The following CSMD1 variants were observed in gnomAD, a reference collection of about 807,000 sequenced individuals.
CSMD1 encodes CUB and Sushi multiple domains 1, also known as CUB and sushi domain-containing protein 1.
CSMD1 carries 213 observed loss-of-function variants against 417.5 expected under a neutral mutation model. That is an observed-to-expected ratio of 0.51 (90% confidence interval 0.46 to 0.57). CSMD1 has a LOEUF of 0.57. CSMD1 is among the 20% of genes least tolerant of loss of function. CSMD1 has a pLI of 0.00. For synonymous variants in CSMD1, 2,862 were observed against 1,736.8 expected (o/e 1.65, Z -16.11); for missense variants, 6,923 against 4,529.7 (o/e 1.53, Z -15.17).
chr8:3,449,172 G>T (rs1338621223), intron 12 of CSMD1, among the ~76,000 whole-genome samples: 3 of 152,182 alleles, frequency 2.0e-5, no homozygotes, highest in Non-Finnish European at 2.9e-5. Context: ...AAATTAGTTG[G>T]TGGGGGGAAT....
chr8:4,516,445 C>T (rs996311375), intron 2 of CSMD1, among the ~76,000 whole-genome samples: 6 of 152,176 alleles, frequency 3.9e-5, no homozygotes, highest in East Asian at 1.9e-4. Flanking sequence ...GCCCCAGAGA[C>T]GCCTCACCCT....
intron 26 of CSMD1, among the ~76,000 whole-genome samples, chr8:3,232,678 G>C (rs1046881481): frequency 6.6e-6 from 1 of 152,032 alleles, no homozygotes; most frequent in Non-Finnish European, 1.5e-5. Context: ...CTTTTAATTG[G>C]ATAGTTTAGT....
intron 1 of CSMD1, among the ~76,000 whole-genome samples, chr8:4,941,262 A>G (rs11783663): frequency 6.6e-6 from 1 of 151,830 alleles, no homozygotes; most frequent in Admixed American, 6.6e-5. Flanking sequence ...TTTCAAACAC[A>G]GTAACATTCT....
chr8:4,452,788 T>C (rs1799227881), intron 2 of CSMD1, among the ~76,000 whole-genome samples: 3 of 152,088 alleles, frequency 2.0e-5, no homozygotes, highest in African/African-American at 7.2e-5. Context: ...ATAAAGTTTA[T>C]TGGATTAATA....
intron 10 of CSMD1, among the ~76,000 whole-genome samples, chr8:3,510,453 G>A (rs1797017321): frequency 1.3e-5 from 2 of 151,822 alleles, no homozygotes; most frequent in Admixed American, 6.6e-5. Flanking sequence ...ACTCAGCCCA[G>A]TCCCCTCACC....
rs762025336 is a variant in CSMD1, at chr8:3,052,543, G to C, written c.7579C>G (p.Leu2527Val). ...GCTGTTGCTTGCTGGCTGGATTCAA[G>C]CTTGAAGCCCTCATGACATTCATAG... ...VVYECHEGFKLESSQQATAVC... is the reference protein window; with the variant it reads ...VVYECHEGFKVESSQQATAVC... Residue 2527 changes from leucine (L) to valine (V), a missense_variant, in exon 50 of 70, where the codon CTT becomes GTT. Coordinates refer to ENST00000635120, the MANE Select transcript of CSMD1 (RefSeq NM_033225.6). 49 of 1,608,010 alleles carry C rather than the reference G, an allele frequency of 3.0e-5. No homozygotes were observed. Among genetic ancestry groups the C allele is most frequent in the Middle Eastern group, 1.6e-4 (1 of 6,078 alleles).
chr8:4,694,110 A>C (rs1279620117), intron 1 of CSMD1, among the ~76,000 whole-genome samples: 3 of 152,152 alleles, frequency 2.0e-5, no homozygotes, highest in Non-Finnish European at 4.4e-5. Context: ...AAAAATTGCT[A>C]CGTACCTCCC....
At chr8:3,774,330 G>A (rs745670325) in intron 5 of CSMD1, among the ~76,000 whole-genome samples, 3 of 152,084 alleles carry the variant, frequency 2.0e-5, no homozygotes, top group African/African-American at 7.2e-5. Flanking sequence ...AGTACACAGT[G>A]CCTGAGGTGT....
chr8:3,659,405 C>G (rs1428521876), intron 7 of CSMD1, among the ~76,000 whole-genome samples: 3 of 152,298 alleles, frequency 2.0e-5, no homozygotes, highest in East Asian at 3.9e-4. Flanking sequence ...GGTAACGGGT[C>G]TCAGTGTTTA....
chr8:4,602,560 A>G (rs903820120), intron 2 of CSMD1, among the ~76,000 whole-genome samples: 1 of 152,250 alleles, frequency 6.6e-6, no homozygotes, highest in Admixed American at 6.5e-5. Context: ...CATTGAGACA[A>G]GATGTAAAAC....
At chr8:4,197,752 T>A (rs1294097933) in intron 3 of CSMD1, among the ~76,000 whole-genome samples, 1 of 151,982 alleles carries the variant, frequency 6.6e-6, no homozygotes, top group African/African-American at 2.4e-5. Flanking sequence ...GGTGGTGCGT[T>A]CTTGTAATCC....
rs747292775 is a variant in CSMD1, at chr8:3,616,751, A to G, written c.1056T>C (p.Pro352=). Residue 352 remains proline (P), a synonymous_variant, in exon 8 of 70, where the codon CCT becomes CCC. Coordinates refer to ENST00000635120, the MANE Select transcript of CSMD1 (RefSeq NM_033225.6). ...CTCTTCTACCATTTTCTGGAATCCC[A>G]GGATCTGGACACATGTCAGAGACCA... ...VALVSDMCPD[P]GIPENGRRAG... 2.5e-6 allele frequency: 4 copies of G among 1,612,642 alleles called. No individual in the cohort carries two copies. Among genetic ancestry groups the G allele is most frequent in the Non-Finnish European group, 3.4e-6 (4 of 1,179,182 alleles).
At chr8:4,023,343 T>C (rs779062906) in intron 4 of CSMD1, among the ~76,000 whole-genome samples, 1 of 152,312 alleles carries the variant, frequency 6.6e-6, no homozygotes, top group East Asian at 1.9e-4. Flanking sequence ...CCATTAATAC[T>C]GTATTAATGA....
At chr8:3,536,225 C>A (rs1182783345) in intron 10 of CSMD1, among the ~76,000 whole-genome samples, 1 of 152,210 alleles carries the variant, frequency 6.6e-6, no homozygotes, top group Admixed American at 6.5e-5. Context: ...AGACTCGAAG[C>A]ATCAATATTA....
intron 1 of CSMD1, among the ~76,000 whole-genome samples, chr8:4,731,126 C>G (rs181499517): frequency 2.0e-5 from 3 of 152,156 alleles, no homozygotes; most frequent in Admixed American, 2.0e-4. Context: ...ATATGAGAAA[C>G]CATGAGATGG....
chr8:3,390,749 G>A lies in CSMD1; in HGVS notation c.2594-3067C>T, dbSNP rs138032463. Among the ~76,000 whole-genome samples the A allele has an allele frequency of 1.6e-3, 248 of 151,764 alleles. 1 individual carries two copies. The highest frequency in any genetic ancestry group is 5.3e-3 in the African/African-American group (218 of 41,350). On this transcript the variant is annotated intron_variant, in intron 17 of 69. Coordinates refer to ENST00000635120, the MANE Select transcript of CSMD1 (RefSeq NM_033225.6). ...GAGTTGATTACTTTGCAAATAATCC[G>A]TGTGCAGCTCATACGGAGGTACATT...
At chr8:3,708,751 C>T (rs182265456) in intron 6 of CSMD1, among the ~76,000 whole-genome samples, 244 of 152,344 alleles carry the variant, frequency 1.6e-3, no homozygotes, top group African/African-American at 5.5e-3. Flanking sequence ...TGACTTTACA[C>T]ATCCAATCCT....
At chr8:3,558,556 CCCGTGT>C (rs1455111571) in intron 10 of CSMD1, among the ~76,000 whole-genome samples, 2 of 147,892 alleles carry the variant, frequency 1.4e-5, no homozygotes, top group Non-Finnish European at 3.0e-5. Context: ...TCAATGGTAC[CCCGTGT>C]CCACTCCTGC....
intron 10 of CSMD1, among the ~76,000 whole-genome samples, chr8:3,551,242 A>C (rs1400896266): frequency 6.6e-6 from 1 of 152,240 alleles, no homozygotes; most frequent in Non-Finnish European, 1.5e-5. Flanking sequence ...TAAATTTCTC[A>C]AGAAATATTA....
Sources: allele counts gnomAD v4.1 joint callset (sites outside exome capture counted in the v4.1 genomes callset), GRCh38; gene constraint gnomAD v4.1.1; transcripts MANE v1.5; gene names NCBI Gene and HGNC (gene_info 2026-07-23, HGNC 2026-07-21).